The following SYNJ2 variants were observed in gnomAD, a reference collection of about 807,000 sequenced individuals.
SYNJ2 encodes the protein synaptojanin 2, also known as polyphosphatidylinositol phosphatase SYNJ2.
A neutral mutation model predicts 141.3 loss-of-function variants in SYNJ2; 116 were observed. The observed-to-expected ratio is 0.82, with a 90% CI of 0.71 to 0.96. The LOEUF (loss-of-function observed/expected upper bound fraction) is 0.96, where lower values mean the gene tolerates loss of function less well. Ranked by LOEUF, SYNJ2 falls within the 40% of genes least tolerant of loss-of-function variation. SYNJ2 has a pLI of 0.00. For missense variants in SYNJ2, 1,873 were observed against 1,934.8 expected, an observed-to-expected ratio of 0.97 and a Z score of 0.60; for synonymous variants, 745 against 777.7, an observed-to-expected ratio of 0.96 and a Z score of 0.70.
rs773467066 is a variant in SYNJ2, at chr6:158,086,947, C to T, written c.3301C>T (p.Arg1101Trp). The T allele has an allele frequency of 6.9e-6, 11 of 1,605,440 alleles. No homozygotes were observed. Among genetic ancestry groups the T allele is most frequent in the East Asian group, 4.5e-5 (2 of 44,594 alleles). The change falls in exon 23 of 27, where the codon CGG (arginine) becomes TGG (tryptophan). Residue 1101 changes from arginine (R) to tryptophan (W), a missense_variant. By Grantham distance (101) the Arg-to-Trp change is moderately radical. Transcript: ENST00000355585. ...GAGCAGGTCTCTGTCGGTCCCCAAC[C>T]GGCCTCGGCCACCTCAACCCCCGCA... ...SPSRSLSVPNRPRPPQPPQRP... is the reference protein window; with the variant it reads ...SPSRSLSVPNWPRPPQPPQRP...
At chr6:158,026,995 G>T in intron 2 of SYNJ2, 1 of 985,436 alleles carries the variant, frequency 1.0e-6, no homozygotes, top group Non-Finnish European at 1.2e-6. Context: ...GGTTTCCTGA[G>T]GATGTGTCTG....
At chr6:158,057,332 C>T (rs13201905) in intron 6 of SYNJ2, among the ~76,000 whole-genome samples, 3 of 151,666 alleles carry the variant, frequency 2.0e-5, no homozygotes, top group African/African-American at 4.8e-5. Flanking sequence ...GGTGCCAGCG[C>T]TCCCTTACGC....
chr6:158,017,400 C>CT, intron 2 of SYNJ2, 110 bp downstream of exon 2: 1 of 1,034,908 alleles, frequency 9.7e-7, no homozygotes, highest in South Asian at 2.0e-5. Flanking sequence ...TCTTCTCTCT[C>CT]TCTTCTTTTT....
intron 3 of SYNJ2, among the ~76,000 whole-genome samples, chr6:158,033,180 G>A (rs1309740642): frequency 2.0e-5 from 3 of 152,314 alleles, no homozygotes; most frequent in South Asian, 2.1e-4. Flanking sequence ...TCCATTTAGC[G>A]ACAGTGACGA....
At chr6:157,992,667 G>A (rs1397741983) in intron 1 of SYNJ2, among the ~76,000 whole-genome samples, 1 of 152,118 alleles carries the variant, frequency 6.6e-6, no homozygotes, top group Non-Finnish European at 1.5e-5. Context: ...CAAAGTGCTG[G>A]GATTACAGGT....
At chr6:158,066,772 A>G (rs1781594763) in intron 12 of SYNJ2, 137 bp downstream of exon 12, 4 of 1,005,706 alleles carry the variant, frequency 4.0e-6, no homozygotes, top group Non-Finnish European at 5.9e-6. Context: ...AAATAGCACC[A>G]TGGCCTGACT....
Position 158,095,630 on chromosome 6 carries a change from G to C in SYNJ2, c.3757G>C (p.Glu1253Gln). ...CACCTTTTCTCAGCCCCTGTCACCG[G>C]AAGAACAGTTTGAGCAACAGACTGT... ...LRRTGKPLSP[E>Q]EQFEQQTVHF... The change falls in exon 27 of 27, where the codon GAA becomes CAA. Residue 1253 changes from glutamate (E) to glutamine (Q), a missense_variant. Transcript: ENST00000355585. The C allele has an allele frequency of 6.2e-7, 1 of 1,600,294 alleles. No homozygotes were observed. Among genetic ancestry groups the C allele is most frequent in the Non-Finnish European group, 8.5e-7 (1 of 1,174,124 alleles).
chr6:158,067,312 C>A, intron 12 of SYNJ2: 1 of 575,566 alleles, frequency 1.7e-6, no homozygotes, highest in Non-Finnish European at 2.2e-6. Flanking sequence ...CGCCACCGCG[C>A]CTGGCCCTGC....
chr6:158,093,453 A>AAAC (rs1783601608), intron 26 of SYNJ2, among the ~76,000 whole-genome samples: 1 of 44,836 alleles, frequency 2.2e-5, no homozygotes, highest in African/African-American at 9.3e-5. Context: ...AAAAAAACAA[A>AAAC]AAAAAAAAAA....
intron 7 of SYNJ2, chr6:158,059,571 T>A: frequency 2.4e-6 from 3 of 1,233,434 alleles, no homozygotes; most frequent in East Asian, 4.2e-5. Context: ...TTTTTTTTTT[T>A]AAGACAGAGT....
intron 1 of SYNJ2, among the ~76,000 whole-genome samples, chr6:158,002,737 G>A (rs183530407): frequency 2.0e-5 from 3 of 152,214 alleles, no homozygotes; most frequent in Non-Finnish European, 4.4e-5. Flanking sequence ...TGTTGGGTAG[G>A]AGGGTTGGGG....
At chr6:158,012,843 A>G (rs529373465) in intron 1 of SYNJ2, among the ~76,000 whole-genome samples, 29 of 152,300 alleles carry the variant, frequency 1.9e-4, no homozygotes, top group African/African-American at 6.7e-4. Context: ...CCCTGCTGCC[A>G]GCAGAGTCTG....
At chr6:158,064,795 C>A (rs765713834) in intron 10 of SYNJ2, 31 bp from the exon 11 acceptor site, 2 of 1,610,784 alleles carry the variant, frequency 1.2e-6, no homozygotes, top group Non-Finnish European at 1.7e-6. Context: ...CAGGGACCCC[C>A]CTCACGGCCT....
chr6:157,993,906 C>T (rs1337648075), intron 1 of SYNJ2, among the ~76,000 whole-genome samples: 3 of 145,440 alleles, frequency 2.1e-5, no homozygotes, highest in Non-Finnish European at 3.0e-5. Context: ...GCTCCGCCTC[C>T]CTGGTTCACA....
chr6:158,031,134 C>G (rs1019716289), intron 3 of SYNJ2, among the ~76,000 whole-genome samples: 1 of 152,270 alleles, frequency 6.6e-6, no homozygotes, highest in African/African-American at 2.4e-5. Context: ...GTTACATGTT[C>G]CCCTAAAGGC....
intron 12 of SYNJ2, 139 bp from the exon 13 acceptor site, chr6:158,068,508 C>T: frequency 1.1e-6 from 1 of 890,538 alleles, no homozygotes; most frequent in South Asian, 1.6e-5. Context: ...GGGCAGTTCC[C>T]AGCAGCAATG....
At chr6:158,057,141 C>T (rs1489989955) in intron 6 of SYNJ2, among the ~76,000 whole-genome samples, 5 of 152,130 alleles carry the variant, frequency 3.3e-5, no homozygotes, top group Non-Finnish European at 7.4e-5. Context: ...GAGAAGGATG[C>T]TTCCAAATAG....
chr6:157,983,511 T>G (rs983196760), intron 1 of SYNJ2, among the ~76,000 whole-genome samples: 3 of 152,250 alleles, frequency 2.0e-5, no homozygotes. Flanking sequence ...TCAAATAGAT[T>G]AAGATGTCCT....
chr6:158,075,977 G>T (rs1381253908), intron 16 of SYNJ2, among the ~76,000 whole-genome samples: 1 of 125,624 alleles, frequency 8.0e-6, no homozygotes, highest in South Asian at 2.7e-4. Flanking sequence ...GATTGCCTAA[G>T]CCCAGGAGTT....
Sources: gnomAD v4.1 joint callset for allele counts (sites outside exome capture counted in the v4.1 genomes callset) on GRCh38, gnomAD v4.1.1 for gene constraint, MANE v1.5 for transcripts, NCBI Gene and HGNC (gene_info 2026-07-23, HGNC 2026-07-21) for gene names.